UBTD1: variants seen among roughly 807,000 people sequenced by gnomAD.
The protein encoded by UBTD1 is ubiquitin domain-containing protein 1.
In UBTD1, 19 loss-of-function variants were observed where a neutral mutation model predicts 21.7. The ratio of observed to expected loss-of-function variants is 0.87; its 90% CI spans 0.61 to 1.28. The LOEUF is 1.28. Ranked by LOEUF, UBTD1 falls within the 50% of genes most tolerant of loss-of-function variation. The probability of loss-of-function intolerance (pLI) is 0.00; values close to 1 mark genes in which losing one functional copy is unlikely to be tolerated. For missense variants in UBTD1, 282 were observed against 315.1 expected (o/e 0.89, Z 0.80); for synonymous variants, 116 against 135.1 (o/e 0.86, Z 0.98).
At chr10:97,567,829 G>T in intron 1 of UBTD1, 85 bp from the exon 2 acceptor site, 1 of 1,342,774 alleles carries the variant, frequency 7.4e-7, no homozygotes, top group Non-Finnish European at 1.0e-6. Context: ...TCAGGGTCTG[G>T]CCTGGGGAGG....
At chr10:97,549,852 C>T (rs2040628058) in intron 1 of UBTD1, among the ~76,000 whole-genome samples, 2 of 152,240 alleles carry the variant, frequency 1.3e-5, no homozygotes, top group Non-Finnish European at 2.9e-5. Flanking sequence ...TGAGGGTCAT[C>T]TCTGCTAAGT....
intron 1 of UBTD1, among the ~76,000 whole-genome samples, chr10:97,560,431 G>A (rs562292194): frequency 2.6e-5 from 4 of 152,166 alleles, no homozygotes; most frequent in African/African-American, 9.6e-5. Flanking sequence ...ACTTAGAATT[G>A]GTATAGATGG....
At chr10:97,567,653 C>T (rs1469092099) in intron 1 of UBTD1, among the ~76,000 whole-genome samples, 2 of 151,866 alleles carry the variant, frequency 1.3e-5, no homozygotes, top group South Asian at 4.2e-4. Flanking sequence ...GAGTGAAACT[C>T]CATCTCAAAA....
chr10:97,515,886 A>G (rs929802807), intron 1 of UBTD1, among the ~76,000 whole-genome samples: 1 of 152,172 alleles, frequency 6.6e-6, no homozygotes, highest in Middle Eastern at 3.2e-3. Context: ...CACTCCTGAT[A>G]CCATGCAGAT....
chr10:97,568,675 G>A (rs1468201713), intron 2 of UBTD1, among the ~76,000 whole-genome samples: 1 of 152,120 alleles, frequency 6.6e-6, no homozygotes, highest in African/African-American at 2.4e-5. Flanking sequence ...ACTGGCCTCA[G>A]CCTCCCAAAG....
chr10:97,521,619 C>T (rs555661976), intron 1 of UBTD1, among the ~76,000 whole-genome samples: 1 of 152,354 alleles, frequency 6.6e-6, no homozygotes, highest in South Asian at 2.1e-4. Flanking sequence ...GGGAGGGCCA[C>T]CCTCAGGCAG....
chr10:97,522,795 T>A (rs2040471705), intron 1 of UBTD1, among the ~76,000 whole-genome samples: 1 of 152,082 alleles, frequency 6.6e-6, no homozygotes. Flanking sequence ...GTGCCAGGAA[T>A]AAGACAAAGC....
chr10:97,501,652 C>T (rs1238470172), intron 1 of UBTD1, among the ~76,000 whole-genome samples: 1 of 152,200 alleles, frequency 6.6e-6, no homozygotes, highest in Non-Finnish European at 1.5e-5. Flanking sequence ...TTTTCCCACT[C>T]CTACAAGTAC....
chr10:97,539,280 A>G (rs959791194), intron 1 of UBTD1, among the ~76,000 whole-genome samples: 1 of 152,154 alleles, frequency 6.6e-6, no homozygotes, highest in African/African-American at 2.4e-5. Context: ...GCTTCTTTCA[A>G]AGCCTTTCAC....
intron 1 of UBTD1, among the ~76,000 whole-genome samples, chr10:97,535,917 CA>C (rs915790304): frequency 1.3e-5 from 2 of 149,126 alleles, no homozygotes; most frequent in African/African-American, 5.0e-5. Context: ...GATCTTGTCT[CA>C]AAAAAATAAA....
chr10:97,568,150 G>A lies in UBTD1; in HGVS notation c.298+9G>A, dbSNP rs746581804. 5 of 1,613,350 alleles carry A rather than the reference G, an allele frequency of 3.1e-6. No homozygotes were observed. In the East Asian group the frequency reaches 6.7e-5, roughly 22 times the overall value. Reference sequence around the variant, plus strand: ...CATCACCCTGCCTCATGGTAAGTGGGCAGGGCCAGGGCTTTATCCCCGCTG... The same window carrying A: ...CATCACCCTGCCTCATGGTAAGTGGACAGGGCCAGGGCTTTATCCCCGCTG... On this transcript the variant is annotated intron_variant, in intron 2 of 2. Transcript: ENST00000370664.
intron 1 of UBTD1, among the ~76,000 whole-genome samples, chr10:97,535,776 G>A (rs901255661): frequency 1.3e-5 from 2 of 151,432 alleles, no homozygotes; most frequent in African/African-American, 4.9e-5. Flanking sequence ...TAATTAGCTA[G>A]GTGCAGTGGT....
At chr10:97,561,193 G>A (rs977714169) in intron 1 of UBTD1, among the ~76,000 whole-genome samples, 7 of 152,082 alleles carry the variant, frequency 4.6e-5, no homozygotes, top group East Asian at 1.9e-4. Context: ...ACCCGGGAGC[G>A]CTCTTTGGAT....
intron 1 of UBTD1, among the ~76,000 whole-genome samples, chr10:97,530,933 G>A (rs7921505): frequency 0.18 from 26,762 of 151,394 alleles, 2,760 homozygotes; most frequent in East Asian, 0.48. Flanking sequence ...TGTTGCCCAG[G>A]CTGGAGTGCA....
chr10:97,519,739 C>G (rs2040459174), intron 1 of UBTD1, among the ~76,000 whole-genome samples: 1 of 152,182 alleles, frequency 6.6e-6, no homozygotes, highest in Admixed American at 6.5e-5. Context: ...CAGGAATTCT[C>G]AAGTGAGGCA....
At chr10:97,503,177 A>AAGTGCTGGGAT in intron 1 of UBTD1, among the ~76,000 whole-genome samples, 1 of 152,314 alleles carries the variant, frequency 6.6e-6, no homozygotes, top group East Asian at 1.9e-4. Context: ...TGGCTTCCGA[A>AAGTGCTGGGAT]AGTGCTGGGA....
At chr10:97,504,024 T>G (rs1409349219) in intron 1 of UBTD1, among the ~76,000 whole-genome samples, 1 of 152,092 alleles carries the variant, frequency 6.6e-6, no homozygotes, top group African/African-American at 2.4e-5. Context: ...CCATCCCAGT[T>G]CATGATGATT....
chr10:97,542,004 G>A (rs868046568), intron 1 of UBTD1, among the ~76,000 whole-genome samples: 3 of 152,104 alleles, frequency 2.0e-5, no homozygotes, highest in Non-Finnish European at 4.4e-5. Flanking sequence ...CCAAAATGCT[G>A]GGATTACAGG....
chr10:97,569,468 C>G (rs1484416802), intron 2 of UBTD1, among the ~76,000 whole-genome samples: 1 of 152,194 alleles, frequency 6.6e-6, no homozygotes, highest in East Asian at 1.9e-4. Context: ...CCTGGTGGAG[C>G]TGGGATGCCA....
Sources: gnomAD v4.1 joint callset for allele counts (sites outside exome capture counted in the v4.1 genomes callset) on GRCh38, gnomAD v4.1.1 for gene constraint, MANE v1.5 for transcripts, NCBI Gene and HGNC (gene_info 2026-07-23, HGNC 2026-07-21) for gene names.